Variants in AMPH observed in about 807,000 individuals in gnomAD.
The protein encoded by AMPH is amphiphysin (Stiff-Mann syndrome with breast cancer 128kD autoantigen).
In AMPH, 49 loss-of-function variants were observed where a neutral mutation model predicts 99.1. The observed-to-expected ratio is 0.49, with a 90% confidence interval of 0.39 to 0.63. AMPH has a LOEUF of 0.63. Among genes scored for constraint, AMPH ranks in the 20% least tolerant of loss-of-function variants. The probability of loss-of-function intolerance (pLI) is 0.00; values close to 1 mark genes in which losing one functional copy is unlikely to be tolerated. For missense variants in AMPH, 759 were observed against 863.4 expected (o/e 0.88, Z 1.52); for synonymous variants, 314 against 317.3 (o/e 0.99, Z 0.11).
chr7:38,494,423 C>T lies in AMPH; in HGVS notation c.300+10G>A, dbSNP rs1349350865. 6.2e-7 allele frequency: 1 copy of T among 1,613,208 alleles called. No individual in the cohort carries two copies. Among genetic ancestry groups the T allele is most frequent in the South Asian group, 1.1e-5 (1 of 91,062 alleles). ...CGTGGGAGCCTCATGGAAGCCACCCCAGCTCTTACCTCACCAACCATTTTC... is the reference window on the plus strand; with the variant it reads ...CGTGGGAGCCTCATGGAAGCCACCCTAGCTCTTACCTCACCAACCATTTTC... On this transcript the variant is annotated intron_variant, in intron 4 of 20. Transcript: ENST00000356264.
At chr7:38,441,621 T>A (rs570961918) in intron 11 of AMPH, among the ~76,000 whole-genome samples, 9 of 151,704 alleles carry the variant, frequency 5.9e-5, no homozygotes, top group South Asian at 2.1e-4. Context: ...CCAGTATAAC[T>A]CTATTATAAA....
intron 1 of AMPH, among the ~76,000 whole-genome samples, chr7:38,562,956 A>G (rs1362676829): frequency 1.3e-5 from 2 of 152,246 alleles, no homozygotes; most frequent in African/African-American, 4.8e-5. Flanking sequence ...AGCCACGAGT[A>G]CCTGAATTCA....
chr7:38,582,595 T>C (rs1792506865), intron 1 of AMPH, among the ~76,000 whole-genome samples: 1 of 152,220 alleles, frequency 6.6e-6, no homozygotes, highest in South Asian at 2.1e-4. Context: ...GTTTTAAATG[T>C]TTTTAATTTC....
intron 17 of AMPH, among the ~76,000 whole-genome samples, chr7:38,414,160 G>A (rs1785297249): frequency 6.6e-6 from 1 of 152,246 alleles, no homozygotes; most frequent in Non-Finnish European, 1.5e-5. Flanking sequence ...CTAGCAAGAT[G>A]AAGTTGATAG....
chr7:38,546,292 CAAAT>C (rs1301932335), intron 1 of AMPH, among the ~76,000 whole-genome samples: 10 of 152,128 alleles, frequency 6.6e-5, no homozygotes, highest in Non-Finnish European at 1.2e-4. Context: ...AATAAACAGA[CAAAT>C]GAATGAATTT....
At chr7:38,502,888 T>A (rs772958378) in intron 3 of AMPH, among the ~76,000 whole-genome samples, 39 of 152,338 alleles carry the variant, frequency 2.6e-4, no homozygotes, top group Admixed American at 2.1e-3. Flanking sequence ...GGTTGAGAAT[T>A]TCACTCTGTT....
intron 2 of AMPH, among the ~76,000 whole-genome samples, chr7:38,517,433 TG>T (rs1232942700): frequency 6.6e-6 from 1 of 152,230 alleles, no homozygotes; most frequent in African/African-American, 2.4e-5. Context: ...CCATGTAAGC[TG>T]TACCTCCTTC....
intron 17 of AMPH, among the ~76,000 whole-genome samples, chr7:38,410,593 C>T (rs1412851727): frequency 6.6e-6 from 1 of 152,112 alleles, no homozygotes; most frequent in African/African-American, 2.4e-5. Flanking sequence ...ATTGTTACTA[C>T]AAGGAATTTT....
At chr7:38,417,801 G>A in intron 17 of AMPH, 24 bp downstream of exon 17, 1 of 1,612,498 alleles carries the variant, frequency 6.2e-7, no homozygotes, top group African/African-American at 1.3e-5. Flanking sequence ...GGCAGATGGA[G>A]GGTGAGAGGG....
Position 38,436,323 on chromosome 7 carries a change from G to A in AMPH, c.1083C>T (p.Pro361=), listed in dbSNP as rs772291443. 40 of 1,613,980 alleles carry A rather than the reference G, an allele frequency of 2.5e-5. No homozygotes were observed. The highest frequency in any genetic ancestry group is 1.1e-4 in the East Asian group (5 of 44,890). Residue 361 remains proline (P), a synonymous_variant, in exon 12 of 21, where the codon CCC becomes CCT. Coordinates refer to ENST00000356264, the MANE Select transcript of AMPH (RefSeq NM_001635.4). ...CAGCAGAACCTGCAGGTGTCACCTCGGGCTTGAAAGGATCAAAGTCCAGAT... is the reference window on the plus strand; with the variant it reads ...CAGCAGAACCTGCAGGTGTCACCTCAGGCTTGAAAGGATCAAAGTCCAGAT... ...LLDLDFDPFK[P]EVTPAGSAGV... is the part of the protein sequence containing the mutation.
At chr7:38,404,928 C>A (rs1784940637) in intron 17 of AMPH, among the ~76,000 whole-genome samples, 1 of 152,006 alleles carries the variant, frequency 6.6e-6, no homozygotes, top group Non-Finnish European at 1.5e-5. Flanking sequence ...AAGATCAACA[C>A]TAAAGAAAAA....
chr7:38,501,055 A>T (rs907331565), intron 3 of AMPH, among the ~76,000 whole-genome samples: 1 of 152,250 alleles, frequency 6.6e-6, no homozygotes, highest in African/African-American at 2.4e-5. Context: ...TTGGTCACGT[A>T]GTTCAAAGGC....
In AMPH at chr7:38,421,340, G is replaced by A. The variant is rs112223534; in HGVS notation, c.1272+1081C>T. Among the ~76,000 whole-genome samples the A allele has an allele frequency of 1.2e-4, 19 of 152,266 alleles. No homozygotes were observed. The South Asian group carries it at 2.9e-3, about 23-fold the overall frequency. On this transcript the variant is annotated intron_variant, in intron 16 of 20. Transcript: ENST00000356264. ...TTCATGATTGATAATTAAAAATTCCGTTCTCCATCTTCATCACTCAGCTGG... is the reference window on the plus strand; with the variant it reads ...TTCATGATTGATAATTAAAAATTCCATTCTCCATCTTCATCACTCAGCTGG...
At chr7:38,585,529 T>C (rs1792613744) in intron 1 of AMPH, among the ~76,000 whole-genome samples, 1 of 152,200 alleles carries the variant, frequency 6.6e-6, no homozygotes, top group South Asian at 2.1e-4. Flanking sequence ...GACACAAGCC[T>C]GGCTTAAGAA....
intron 1 of AMPH, among the ~76,000 whole-genome samples, chr7:38,576,476 A>G (rs1792250621): frequency 6.6e-6 from 1 of 152,102 alleles, no homozygotes; most frequent in South Asian, 2.1e-4. Flanking sequence ...TTTCATACTT[A>G]GCCACCCGAG....
intron 2 of AMPH, among the ~76,000 whole-genome samples, chr7:38,511,181 T>A (rs544096000): frequency 6.6e-6 from 1 of 152,314 alleles, no homozygotes; most frequent in South Asian, 2.1e-4. Flanking sequence ...CAGGAAATGC[T>A]GGATAACACT....
rs116561381 is a variant in AMPH at position 38,517,075 on chromosome 7, C to A, written c.151-13371G>T. Among the ~76,000 whole-genome samples, 319 of 152,254 alleles carry A rather than the reference C, an allele frequency of 2.1e-3. 1 individual carries two copies. Among genetic ancestry groups the A allele is most frequent in the African/African-American group, 7.5e-3 (311 of 41,548 alleles). ...CATAGGTGGAAGGGTCTTGCTTTGT[C>A]TCAGATAAGACTTTGAACTGTGGAC... On this transcript the variant is annotated intron_variant, in intron 2 of 20. Transcript: ENST00000356264.
At chr7:38,515,765 G>C (rs1789715928) in intron 2 of AMPH, among the ~76,000 whole-genome samples, 1 of 152,226 alleles carries the variant, frequency 6.6e-6, no homozygotes, top group Non-Finnish European at 1.5e-5. Context: ...GAACTTCCTA[G>C]AGACTCATTA....
At position 38,535,819 on chromosome 7, in the gene AMPH, C is replaced by T. The variant is rs535040964; in HGVS notation, c.70-808G>A. On this transcript the variant is annotated intron_variant, in intron 1 of 20. Transcript: ENST00000356264. ...ATGCCGCTGCTGATCTGACAGGAGGCGGAGCTCGGGTGGTAATGCTCCCTC... is the reference window on the plus strand; with the variant it reads ...ATGCCGCTGCTGATCTGACAGGAGGTGGAGCTCGGGTGGTAATGCTCCCTC... Among the ~76,000 whole-genome samples, 131 of 152,190 alleles carry T rather than the reference C, an allele frequency of 8.6e-4. No individual in the cohort carries two copies. In the Middle Eastern group the frequency reaches 0.024, roughly 28 times the overall value.
Sources: gnomAD v4.1 joint callset for allele counts (sites outside exome capture counted in the v4.1 genomes callset) on GRCh38, gnomAD v4.1.1 for gene constraint, MANE v1.5 for transcripts, NCBI Gene and HGNC (gene_info 2026-07-23, HGNC 2026-07-21) for gene names.